SHROOM3: variants seen among roughly 807,000 people sequenced by gnomAD.
SHROOM3 encodes shroom family member 3.
In SHROOM3, 47 loss-of-function variants were observed where a neutral mutation model predicts 138.6. The observed-to-expected ratio is 0.34, with a 90% CI of 0.27 to 0.43. SHROOM3 has a LOEUF of 0.43. Ranked by LOEUF, SHROOM3 falls within the 20% of genes least tolerant of loss-of-function variation. The probability of loss-of-function intolerance (pLI) is 1.00; values close to 1 mark genes in which losing one functional copy is unlikely to be tolerated. For synonymous variants in SHROOM3, 1,062 were observed against 1,063.3 expected, an observed-to-expected ratio of 1.00 and a Z score of 0.02; for missense variants, 2,491 against 2,596.5, an observed-to-expected ratio of 0.96 and a Z score of 0.88.
intron 2 of SHROOM3, among the ~76,000 whole-genome samples, chr4:76,702,839 A>G (rs1261453722): frequency 2.0e-5 from 3 of 152,208 alleles, no homozygotes; most frequent in Non-Finnish European, 4.4e-5. Flanking sequence ...ACTGAAGCAG[A>G]TTAATATTTA....
rs377457629 is a variant in SHROOM3, at chr4:76,647,462, T to C, written c.324-62694T>C. Among the ~76,000 whole-genome samples, 5 of 152,330 alleles carry C rather than the reference T, an allele frequency of 3.3e-5. No homozygotes were observed. In the South Asian group the frequency reaches 1.0e-3, roughly 32 times the overall value. On this transcript the variant is annotated intron_variant, in intron 2 of 10. Transcript: ENST00000296043. ...AATGATGAATACTCCAGGTGATAGA[T>C]ACCGTAAATACTCCAACTTAATCAT...
At chr4:76,473,721 A>G (rs1303186357) in intron 1 of SHROOM3, among the ~76,000 whole-genome samples, 1 of 152,226 alleles carries the variant, frequency 6.6e-6, no homozygotes. Context: ...AAGATGCTCA[A>G]TATCATTAAT....
intron 2 of SHROOM3, among the ~76,000 whole-genome samples, chr4:76,634,942 G>A (rs552634976): frequency 4.5e-4 from 68 of 152,196 alleles, no homozygotes; most frequent in African/African-American, 1.5e-3. Flanking sequence ...AAGCTGGCTT[G>A]ACTATCCATT....
chr4:76,747,179 A>C (rs565831951), intron 5 of SHROOM3, among the ~76,000 whole-genome samples: 195 of 152,322 alleles, frequency 1.3e-3, no homozygotes, highest in African/African-American at 4.5e-3. Context: ...GAGATAATTA[A>C]CAAAAATAAA....
intron 2 of SHROOM3, among the ~76,000 whole-genome samples, chr4:76,584,776 G>A (rs748147686): frequency 6.6e-6 from 1 of 152,164 alleles, no homozygotes; most frequent in Admixed American, 6.5e-5. Flanking sequence ...ATTCCACTCT[G>A]TGGTGGTGTT....
intron 1 of SHROOM3, among the ~76,000 whole-genome samples, chr4:76,549,664 G>A (rs956740866): frequency 2.0e-5 from 3 of 152,090 alleles, no homozygotes; most frequent in African/African-American, 4.8e-5. Context: ...ACTGCGCCCG[G>A]CAGTGGCTTC....
intron 2 of SHROOM3, among the ~76,000 whole-genome samples, chr4:76,638,130 C>T (rs560476232): frequency 2.3e-4 from 35 of 152,234 alleles, no homozygotes; most frequent in African/African-American, 7.5e-4. Context: ...TCTCTGCTTT[C>T]GTTCATCCTA....
At chr4:76,646,247 T>TATATATATATATATATATATATATAA (rs1355216659) in intron 2 of SHROOM3, among the ~76,000 whole-genome samples, 6 of 140,710 alleles carry the variant, frequency 4.3e-5, no homozygotes, top group Non-Finnish European at 6.2e-5. Context: ...TATATATATA[T>TATATATATATATATATATATATATAA]AAAATTAAAA....
At chr4:76,718,071 T>A (rs1720426395) in intron 3 of SHROOM3, among the ~76,000 whole-genome samples, 1 of 152,228 alleles carries the variant, frequency 6.6e-6, no homozygotes, top group South Asian at 2.1e-4. Flanking sequence ...GTTCTAGCTC[T>A]CTAGCTGATT....
At chr4:76,693,378 T>TTGTTTTG (rs1553937643) in intron 2 of SHROOM3, among the ~76,000 whole-genome samples, 12 of 132,196 alleles carry the variant, frequency 9.1e-5, no homozygotes, top group East Asian at 2.3e-4. Flanking sequence ...TTGTTTTTTT[T>TTGTTTTG]TTTTTTTTTT....
intron 1 of SHROOM3, among the ~76,000 whole-genome samples, chr4:76,548,899 T>C (rs941981196): frequency 3.3e-5 from 5 of 152,242 alleles, no homozygotes; most frequent in Non-Finnish European, 7.3e-5. Context: ...CGGTGTGTTA[T>C]CTGAAGTCAT....
intron 2 of SHROOM3, among the ~76,000 whole-genome samples, chr4:76,570,384 T>C (rs996633056): frequency 2.6e-5 from 4 of 152,154 alleles, no homozygotes; most frequent in Non-Finnish European, 4.4e-5. Context: ...CTGTGGGAAC[T>C]CCTGAGAAAA....
chr4:76,510,441 T>G (rs1357176917), intron 1 of SHROOM3, among the ~76,000 whole-genome samples: 1 of 152,242 alleles, frequency 6.6e-6, no homozygotes, highest in Non-Finnish European at 1.5e-5. Context: ...GGCAAGTTAC[T>G]TAACCTCTCT....
At chr4:76,634,758 T>G (rs1487015468) in intron 2 of SHROOM3, among the ~76,000 whole-genome samples, 1 of 152,228 alleles carries the variant, frequency 6.6e-6, no homozygotes, top group Non-Finnish European at 1.5e-5. Context: ...TTTTTAAACT[T>G]TTAAAAATAA....
At chr4:76,503,370 T>C (rs1732141117) in intron 1 of SHROOM3, among the ~76,000 whole-genome samples, 1 of 152,196 alleles carries the variant, frequency 6.6e-6, no homozygotes, top group Non-Finnish European at 1.5e-5. Flanking sequence ...TTCCTATGTG[T>C]TCGATTTGCT....
At chr4:76,478,246 A>G (rs372288254) in intron 1 of SHROOM3, among the ~76,000 whole-genome samples, 10 of 152,328 alleles carry the variant, frequency 6.6e-5, no homozygotes, top group African/African-American at 2.4e-4. Flanking sequence ...TCTCGCTGCT[A>G]GCATAGCAGT....
Position 76,756,918 on chromosome 4 carries a change from T to A in SHROOM3, c.5179T>A (p.Ser1727Thr), listed in dbSNP as rs866404112. 2.5e-6 allele frequency: 4 copies of A among 1,613,986 alleles called. 1 individual carries two copies. In the Middle Eastern group the frequency reaches 6.6e-4, roughly 266 times the overall value. ...RKAIQRTVSS[S>T]GCEGKRNEDK... The stretch of plus-strand genomic sequence containing the variant: ...GGCCATACAGAGAACTGTCAGCTCT[T>A]CAGGATGTGAAGGCAAGAGGTAAGT... The change falls in exon 8 of 11, where the codon TCA becomes ACA. Residue 1727 changes from serine to threonine, a missense_variant. This residue lies in a region of SHROOM3 where 470 missense variants were observed against 595.0 expected (regional missense o/e 0.79). Transcript: ENST00000296043.
intron 9 of SHROOM3, among the ~76,000 whole-genome samples, chr4:76,765,624 G>T (rs1378217674): frequency 6.6e-6 from 1 of 152,174 alleles, no homozygotes; most frequent in African/African-American, 2.4e-5. Context: ...AACTGTGTGT[G>T]TAGAGTGACG....
Position 76,740,879 on chromosome 4 carries a change from C to T in SHROOM3, c.2706C>T (p.Pro902=), listed in dbSNP as rs199773259. The change falls in exon 5 of 11, where the codon CCC becomes CCT. Residue 902 remains proline, a synonymous_variant. Transcript: ENST00000296043. The surrounding 1 kb of genome is among the most constrained non-coding windows in gnomAD (Gnocchi z 4.0). The stretch of plus-strand genomic sequence containing the variant: ...TCTCCAGCGAGCCAGAGAGGGAGCC[C>T]GAGTGGCGGGACAGGCCCGGCTCGC... ...FQLSSEPERE[P]EWRDRPGSPE... 3.9e-5 allele frequency: 61 copies of T among 1,544,386 alleles called. No individual in the cohort carries two copies. The East Asian group carries it at 5.2e-4, about 13-fold the overall frequency.
Sources: allele counts gnomAD v4.1 joint callset (sites outside exome capture counted in the v4.1 genomes callset), GRCh38; gene constraint gnomAD v4.1.1; regional missense constraint gnomAD v4.1.1; non-coding constraint Gnocchi (gnomAD v3.1); transcripts MANE v1.5; gene names NCBI Gene and HGNC (gene_info 2026-07-23, HGNC 2026-07-21).